Variants in NKAIN1 observed in about 807,000 individuals in gnomAD.
The protein encoded by NKAIN1 is sodium/potassium transporting ATPase interacting 1.
In NKAIN1, 13 loss-of-function variants were observed where a neutral mutation model predicts 31.6. That is an observed-to-expected ratio of 0.41 (90% CI 0.27 to 0.65). The LOEUF (loss-of-function observed/expected upper bound fraction) is 0.65, where lower values mean the gene tolerates loss of function less well. NKAIN1 is among the 30% of genes least tolerant of loss of function. The pLI is 0.30. For synonymous variants in NKAIN1, 104 were observed against 109.0 expected, an observed-to-expected ratio of 0.95 and a Z score of 0.28; for missense variants, 193 against 262.2, an observed-to-expected ratio of 0.74 and a Z score of 1.82.
intron 3 of NKAIN1, 57 bp downstream of exon 3, chr1:31,185,190 G>T (rs1337465829): frequency 1.4e-6 from 2 of 1,400,864 alleles, no homozygotes; most frequent in African/African-American, 1.4e-5. Context: ...TACCCTTAGG[G>T]CAGGGGATGG....
chr1:31,200,909 C>T (rs1311748988), intron 1 of NKAIN1, among the ~76,000 whole-genome samples: 3 of 151,896 alleles, frequency 2.0e-5, no homozygotes, highest in African/African-American at 7.3e-5. Context: ...TCTCAGCTCA[C>T]TGCAACCTCC....
intron 1 of NKAIN1, among the ~76,000 whole-genome samples, chr1:31,209,533 G>A (rs2889710): frequency 0.6 from 90,872 of 151,900 alleles, 29,785 homozygotes; most frequent in Middle Eastern, 0.83. Flanking sequence ...AAAAGAATAC[G>A]TATAGCCAGG....
chr1:31,221,812 C>T (rs936490381), intron 1 of NKAIN1, among the ~76,000 whole-genome samples: 2 of 152,104 alleles, frequency 1.3e-5, no homozygotes, highest in Non-Finnish European at 2.9e-5. Flanking sequence ...TAGACTTTAT[C>T]CTGAAGGCAA....
intron 1 of NKAIN1, among the ~76,000 whole-genome samples, chr1:31,221,971 C>T (rs61779375): frequency 1.8e-4 from 27 of 152,164 alleles, no homozygotes; most frequent in Non-Finnish European, 2.8e-4. Flanking sequence ...CTCCACTTCC[C>T]GGGTTCAAGC....
intron 2 of NKAIN1, among the ~76,000 whole-genome samples, chr1:31,186,394 GTTTTTT>G (rs11303246): frequency 1.0e-3 from 98 of 97,306 alleles, no homozygotes; most frequent in African/African-American, 3.1e-3. Context: ...ATTCTTTTGT[GTTTTTT>G]TTTTTTTTTT....
chr1:31,209,529 ATACG>A (rs2148358613), intron 1 of NKAIN1, among the ~76,000 whole-genome samples: 1 of 152,290 alleles, frequency 6.6e-6, no homozygotes, highest in South Asian at 2.1e-4. Context: ...TCCTAAAAGA[ATACG>A]TATAGCCAGG....
chr1:31,226,820 G>A (rs1035152109), intron 1 of NKAIN1, among the ~76,000 whole-genome samples: 47 of 150,376 alleles, frequency 3.1e-4, no homozygotes, highest in Admixed American at 3.0e-3. Flanking sequence ...CACCGCACCC[G>A]GCCAGAAAAT....
At chr1:31,200,873 G>A (rs10914313) in intron 1 of NKAIN1, among the ~76,000 whole-genome samples, 6,580 of 150,384 alleles carry the variant, frequency 0.044, 414 homozygotes, top group African/African-American at 0.14. Flanking sequence ...TCGCTCTGTC[G>A]CCCAGGCTGG....
chr1:31,197,086 C>T (rs553894561), intron 1 of NKAIN1, among the ~76,000 whole-genome samples: 3 of 147,820 alleles, frequency 2.0e-5, no homozygotes, highest in Admixed American at 6.7e-5. Context: ...TTCCACAGTG[C>T]TTATGATTGG....
At chr1:31,219,834 T>C (rs1645548306) in intron 1 of NKAIN1, among the ~76,000 whole-genome samples, 1 of 152,162 alleles carries the variant, frequency 6.6e-6, no homozygotes, top group South Asian at 2.1e-4. Context: ...ATTCCCCTGT[T>C]GGTTCCCACT....
intron 1 of NKAIN1, among the ~76,000 whole-genome samples, chr1:31,188,784 T>G (rs1265899586): frequency 1.3e-5 from 2 of 152,048 alleles, no homozygotes; most frequent in African/African-American, 4.8e-5. Context: ...ATGCAAACCA[T>G]GTTTGAAAAA....
intron 1 of NKAIN1, among the ~76,000 whole-genome samples, chr1:31,204,222 G>A (rs1252406108): frequency 6.6e-6 from 1 of 152,128 alleles, no homozygotes; most frequent in South Asian, 2.1e-4. Flanking sequence ...TTATTCTGCT[G>A]GTCCCTAGGA....
At chr1:31,197,764 C>T (rs1645342406) in intron 1 of NKAIN1, among the ~76,000 whole-genome samples, 1 of 151,790 alleles carries the variant, frequency 6.6e-6, no homozygotes, top group South Asian at 2.1e-4. Context: ...CCAGGCTGGT[C>T]TCAAACTCCT....
In NKAIN1 at chr1:31,179,959, G is replaced by C. The variant is rs1645184910; in HGVS notation, c.*1744C>G. On this transcript the variant is annotated 3_prime_UTR_variant, in exon 7 of 7. Transcript: ENST00000373736. ...GAGAGAGGTGAGGGCTGGAGGCAGG[G>C]CTGGCCCAGTGAAGGGCAGTAGCTT... 1 of 152,692 alleles carries C rather than the reference G, an allele frequency of 6.5e-6. No homozygotes were observed. Among genetic ancestry groups the C allele is most frequent in the African/African-American group, 2.4e-5 (1 of 41,468 alleles). The allele number at this position is 152,692 out of a possible 1,614,324, so 9.5% of individuals were successfully genotyped here.
chr1:31,216,954 C>T (rs2148361785), intron 1 of NKAIN1, among the ~76,000 whole-genome samples: 1 of 152,208 alleles, frequency 6.6e-6, no homozygotes, highest in Non-Finnish European at 1.5e-5. Flanking sequence ...CAAACTCCGC[C>T]TCCCGCATTC....
At chr1:31,189,154 C>G (rs1371510287) in intron 1 of NKAIN1, among the ~76,000 whole-genome samples, 2 of 152,192 alleles carry the variant, frequency 1.3e-5, no homozygotes, top group South Asian at 2.1e-4. Flanking sequence ...GAAGGCACCC[C>G]GGCTAATAGC....
At chr1:31,216,070 C>T (rs890741385) in intron 1 of NKAIN1, among the ~76,000 whole-genome samples, 1 of 151,722 alleles carries the variant, frequency 6.6e-6, no homozygotes, top group Non-Finnish European at 1.5e-5. Flanking sequence ...TACCTGCAGG[C>T]CCCACTGCAG....
chr1:31,199,555 A>G (rs1444665224), intron 1 of NKAIN1, among the ~76,000 whole-genome samples: 3 of 151,878 alleles, frequency 2.0e-5, no homozygotes, highest in African/African-American at 7.3e-5. Context: ...TGCTGGCCCA[A>G]CCCCCTCATT....
rs1402189890 is a variant in NKAIN1 at position 31,181,687 on chromosome 1, G to C, written c.*16C>G. On this transcript the variant is annotated 3_prime_UTR_variant, in exon 7 of 7. Transcript: ENST00000373736. Reference sequence around the variant, plus strand: ...TCAGCCCAGGGCGAGGCGCCGGGGTGGGCGCGGGGCAGAGGCTACCCCGAC... The same window carrying C: ...TCAGCCCAGGGCGAGGCGCCGGGGTCGGCGCGGGGCAGAGGCTACCCCGAC... The C allele has an allele frequency of 1.4e-6, 2 of 1,457,988 alleles. No homozygotes were observed. The highest frequency in any genetic ancestry group is 2.5e-5 in the East Asian group (1 of 40,040). The allele number at this position is 1,457,988 out of a possible 1,614,324, so 90.3% of individuals were successfully genotyped here.
Sources: allele counts gnomAD v4.1 joint callset (sites outside exome capture counted in the v4.1 genomes callset), GRCh38; gene constraint gnomAD v4.1.1; transcripts MANE v1.5; gene names NCBI Gene and HGNC (gene_info 2026-07-23, HGNC 2026-07-21).